The following C12orf76 variants were observed in gnomAD, a reference collection of about 807,000 sequenced individuals.
C12orf76 encodes the protein chromosome 12 open reading frame 76, also known as uncharacterized protein C12orf76.
C12orf76 carries 6 observed loss-of-function variants against 6.8 expected under a neutral mutation model. The ratio of observed to expected loss-of-function variants is 0.88; its 90% CI spans 0.48 to 1.73. C12orf76 has a LOEUF of 1.73. Ranked by LOEUF, C12orf76 falls within the 40% of genes most tolerant of loss-of-function variation. C12orf76 has a pLI of 0.01. For missense variants in C12orf76, 99 were observed against 98.2 expected (o/e 1.01, Z -0.03); for synonymous variants, 56 against 43.7 (o/e 1.28, Z -1.11).
intron 2 of C12orf76, among the ~76,000 whole-genome samples, chr12:110,059,713 C>T (rs9706258): frequency 1.6e-4 from 24 of 152,040 alleles, no homozygotes; most frequent in Admixed American, 3.9e-4. Context: ...GACAAACAAG[C>T]GGTGTGAACT....
intron 1 of C12orf76, among the ~76,000 whole-genome samples, chr12:110,046,298 C>A (rs148310611): frequency 6.6e-6 from 1 of 152,176 alleles, no homozygotes; most frequent in South Asian, 2.1e-4. Context: ...TGGTGGCACA[C>A]GCCTGTGGTC....
At chr12:110,064,682 C>T (rs985707391) in intron 2 of C12orf76, among the ~76,000 whole-genome samples, 6 of 152,178 alleles carry the variant, frequency 3.9e-5, no homozygotes, top group South Asian at 2.1e-4. Flanking sequence ...AGGTGCTCCA[C>T]GATCTCACCC....
intron 2 of C12orf76, among the ~76,000 whole-genome samples, chr12:110,063,343 G>A (rs1259959013): frequency 6.6e-6 from 1 of 152,034 alleles, no homozygotes; most frequent in East Asian, 1.9e-4. Flanking sequence ...GGGTGCAGTG[G>A]TGCAATCTCA....
chr12:110,059,505 A>C (rs1444718908), intron 2 of C12orf76, among the ~76,000 whole-genome samples: 1 of 152,140 alleles, frequency 6.6e-6, no homozygotes, highest in African/African-American at 2.4e-5. Context: ...CTGTCTGTCC[A>C]CCCCACATTC....
intron 1 of C12orf76, 79 bp downstream of exon 1, chr12:110,048,284 C>G (rs1434361944): frequency 1.7e-5 from 24 of 1,406,662 alleles, no homozygotes; most frequent in Middle Eastern, 2.5e-4. Context: ...CTGTCCGCTC[C>G]GTACATGCCC....
chr12:110,056,645 A>T (rs1892672782), intron 4 of C12orf76, among the ~76,000 whole-genome samples: 1 of 152,118 alleles, frequency 6.6e-6, no homozygotes, highest in African/African-American at 2.4e-5. Context: ...AGCTAATGGG[A>T]GAGAAGTTAG....
chr12:110,042,735 A>ATCCCCCC lies in C12orf76; in HGVS notation c.134-277_134-276insGGGGGGA, dbSNP rs1252971050. Reference sequence around the variant, plus strand: ...AGGGTGGGCAGCAAGAAGGGGGGACAGTCAGGAAGCATCCGAGGAGGAGAC... The same window carrying ATCCCCCC: ...AGGGTGGGCAGCAAGAAGGGGGGACATCCCCCCGTCAGGAAGCATCCGAGGAGGAGAC... On this transcript the variant is annotated intron_variant, in intron 1 of 1. Transcript: ENST00000615315. 378 of 624,650 alleles carry ATCCCCCC rather than the reference A, an allele frequency of 6.1e-4. 1 individual carries two copies. The African/African-American group carries it at 6.3e-3, about 10-fold the overall frequency. The allele number at this position is 624,650 out of a possible 1,614,324, so 38.7% of individuals were successfully genotyped here. A position where few individuals can be genotyped will look rare whatever the true frequency, so the allele number is the denominator to read the frequency against.
At chr12:110,072,495 TG>T (rs371345736), upstream of C12orf76, among the ~76,000 whole-genome samples, 986 of 151,392 alleles carry the variant, frequency 6.5e-3, no homozygotes, top group Non-Finnish European at 9.3e-3. Flanking sequence ...GGGTTTTTTT[TG>T]TTTTTTTTTT....
chr12:110,068,287 AAG>A (rs1892909990), upstream of C12orf76, among the ~76,000 whole-genome samples: 1 of 144,080 alleles, frequency 6.9e-6, no homozygotes, highest in African/African-American at 2.5e-5. Flanking sequence ...GAAGAAGAAG[AAG>A]AAGAAGAAGA....
At chr12:110,046,231 T>G (rs755757710) in intron 1 of C12orf76, among the ~76,000 whole-genome samples, 35 of 151,926 alleles carry the variant, frequency 2.3e-4, no homozygotes, top group Admixed American at 4.6e-4. Context: ...ATCGAGACCA[T>G]CCTGGCCAAC....
chr12:110,062,623 A>ATTT (rs35576534), intron 2 of C12orf76, among the ~76,000 whole-genome samples: 2 of 143,594 alleles, frequency 1.4e-5, no homozygotes, highest in Non-Finnish European at 3.0e-5. Flanking sequence ...AAAAAAAGAG[A>ATTT]TTTTTTTTTT....
exon 1 of C12orf76, chr12:110,067,580 G>T: frequency 1.0e-6 from 1 of 985,376 alleles, no homozygotes; most frequent in Non-Finnish European, 1.2e-6. Flanking sequence ...GGCTCACACT[G>T]CTCCGTCATC....
upstream of C12orf76, among the ~76,000 whole-genome samples, chr12:110,071,867 T>C (rs1454458580): frequency 1.3e-5 from 2 of 152,094 alleles, no homozygotes; most frequent in Non-Finnish European, 2.9e-5. Context: ...GGTGGGAATG[T>C]AAAAGGGTGC....
upstream of C12orf76, among the ~76,000 whole-genome samples, chr12:110,071,659 T>C (rs1256125156): frequency 3.3e-5 from 5 of 152,090 alleles, no homozygotes; most frequent in Admixed American, 6.6e-5. Flanking sequence ...TCTATAAGTA[T>C]AGGTTGTCAT....
intron 1 of C12orf76, among the ~76,000 whole-genome samples, chr12:110,046,963 T>C (rs551413868): frequency 7.2e-5 from 11 of 152,236 alleles, no homozygotes; most frequent in African/African-American, 2.6e-4. Context: ...ATATCCAGGT[T>C]GAGAAACCCT....
chr12:110,065,724 G>T, intron 2 of C12orf76: 1 of 1,477,186 alleles, frequency 6.8e-7, no homozygotes, highest in Non-Finnish European at 9.4e-7. Flanking sequence ...TGGCCCATGA[G>T]AGCTTCTAGA....
At chr12:110,048,561 G>T, upstream of C12orf76, 1 of 1,348,184 alleles carries the variant, frequency 7.4e-7, no homozygotes, top group Non-Finnish European at 9.5e-7. Flanking sequence ...TCTCCTCCCA[G>T]GTCTCTCTGC....
Position 110,054,809 on chromosome 12 carries a change from G to C in C12orf76, n.664+2380C>G, listed in dbSNP as rs888124542. On this transcript the variant is annotated intron_variant and non_coding_transcript_variant, in intron 4 of 4. Coordinates refer to the C12orf76 transcript ENST00000309050. The surrounding 1 kb of genome is among the most constrained non-coding windows in gnomAD (Gnocchi z 4.4). The stretch of plus-strand genomic sequence containing the variant: ...TGACAAATGTCAAATTCAGGATTTC[G>C]TTTAGAGATGGAGTCTTGCTGTGTT... Among the ~76,000 whole-genome samples, 1 of 152,182 alleles carries C rather than the reference G, an allele frequency of 6.6e-6. No homozygotes were observed. Among genetic ancestry groups the C allele is most frequent in the Non-Finnish European group, 1.5e-5 (1 of 68,036 alleles).
Position 110,048,447 on chromosome 12 carries a change from G to T in C12orf76, c.49C>A (p.Leu17Met). The T allele has an allele frequency of 6.6e-7, 1 of 1,506,490 alleles. No individual in the cohort carries two copies. The highest frequency in any genetic ancestry group is 1.2e-5 in the South Asian group (1 of 82,004). The allele number at this position is 1,506,490 out of a possible 1,614,324, so 93.3% of individuals were successfully genotyped here. A position where few individuals can be genotyped will look rare whatever the true frequency, so the allele number is the denominator to read the frequency against. Residue 17 changes from leucine to methionine, a missense_variant, in exon 1 of 2, where the codon CTG (leucine) becomes ATG (methionine). Physicochemically the swap from Leu to Met is conservative, Grantham distance 15 (BLOSUM62 2). Transcript: ENST00000615315. Reference sequence around the variant, plus strand: ...CTCGGGGCCTCTGCCTCCCCCACCAGGAGGCTGCAGAGGCCAAGGTACAGC... The same window carrying T: ...CTCGGGGCCTCTGCCTCCCCCACCATGAGGCTGCAGAGGCCAAGGTACAGC... ...PWLYLGLCSLLVGEAEAPSPV... is the reference protein window; with the variant it reads ...PWLYLGLCSLMVGEAEAPSPV...
Sources: gnomAD v4.1 joint callset for allele counts (sites outside exome capture counted in the v4.1 genomes callset) on GRCh38, gnomAD v4.1.1 for gene constraint, Gnocchi (gnomAD v3.1) non-coding constraint, MANE v1.5 for transcripts, NCBI Gene and HGNC (gene_info 2026-07-23, HGNC 2026-07-21) for gene names.